Variants in CD38 observed in about 807,000 individuals in gnomAD.
CD38 encodes CD38 molecule.
A neutral mutation model predicts 36.3 loss-of-function variants in CD38; 31 were observed. The ratio of observed to expected loss-of-function variants is 0.85; its 90% confidence interval spans 0.64 to 1.15. The LOEUF is 1.15. Among genes scored for constraint, CD38 ranks in the 50% most tolerant of loss-of-function variants. The pLI, the probability that CD38 is intolerant of heterozygous loss-of-function variation, is 0.00. For missense variants in CD38, 380 were observed against 371.9 expected (o/e 1.02, Z -0.18); for synonymous variants, 131 against 135.2 (o/e 0.97, Z 0.22).
intron 1 of CD38, among the ~76,000 whole-genome samples, chr4:15,781,985 C>A (rs1288684976): frequency 6.6e-6 from 1 of 152,206 alleles, no homozygotes; most frequent in Non-Finnish European, 1.5e-5. Context: ...GTGTAGGCAT[C>A]TGCAACATTG....
intron 1 of CD38, among the ~76,000 whole-genome samples, chr4:15,808,994 G>A (rs965875505): frequency 6.6e-6 from 1 of 152,198 alleles, no homozygotes; most frequent in Admixed American, 6.5e-5. Flanking sequence ...GCAAATTCTG[G>A]CTGGGATATT....
At chr4:15,840,672 C>T in intron 7 of CD38, 134 bp downstream of exon 7, 1 of 605,466 alleles carries the variant, frequency 1.7e-6, no homozygotes, top group Non-Finnish European at 2.9e-6. Context: ...CAGATGGCAA[C>T]CTCTGGTGAT....
At chr4:15,812,243 T>G (rs1457323386) in intron 1 of CD38, among the ~76,000 whole-genome samples, 1 of 152,196 alleles carries the variant, frequency 6.6e-6, no homozygotes, top group African/African-American at 2.4e-5. Context: ...TCTTTCAACT[T>G]TGGTCTTCTT....
chr4:15,800,302 C>G (rs1186815870), intron 1 of CD38, among the ~76,000 whole-genome samples: 1 of 151,992 alleles, frequency 6.6e-6, no homozygotes, highest in Non-Finnish European at 1.5e-5. Flanking sequence ...TGTTTTATTT[C>G]TCTTGAGTGA....
chr4:15,780,830 C>T (rs1722680805), intron 1 of CD38, among the ~76,000 whole-genome samples: 1 of 152,184 alleles, frequency 6.6e-6, no homozygotes, highest in Non-Finnish European at 1.5e-5. Context: ...TGAGTTGGGC[C>T]AGGCACTGTG....
rs1722605042 is a variant in CD38, at chr4:15,778,485, T to A, written c.71T>A (p.Leu24His). The A allele has an allele frequency of 1.2e-6, 2 of 1,613,584 alleles. No homozygotes were observed. The highest frequency in any genetic ancestry group is 8.5e-7 in the Non-Finnish European group (1 of 1,179,956). Reference sequence around the variant, plus strand: ...TGCCGGCTCTCTAGGAGAGCCCAACTCTGTCTTGGCGTCAGTATCCTGGTC... The same window carrying A: ...TGCCGGCTCTCTAGGAGAGCCCAACACTGTCTTGGCGTCAGTATCCTGGTC... The part of the protein sequence containing the change: ...PCCRLSRRAQ[L>H]CLGVSILVLI... Residue 24 changes from leucine (L) to histidine (H), a missense_variant, in exon 1 of 8, where the codon CTC (leucine) becomes CAC (histidine). Transcript: ENST00000226279. This position sits in a 1 kb window ranked among gnomAD's most constrained non-coding sequence, Gnocchi z 4.9.
intron 1 of CD38, among the ~76,000 whole-genome samples, chr4:15,807,481 G>T (rs1204040101): frequency 6.6e-6 from 1 of 152,188 alleles, no homozygotes; most frequent in African/African-American, 2.4e-5. Flanking sequence ...GTGTCCCATG[G>T]AGTTGATTAT....
chr4:15,817,925 C>T (rs898390674), intron 2 of CD38, among the ~76,000 whole-genome samples: 1 of 152,104 alleles, frequency 6.6e-6, no homozygotes, highest in Non-Finnish European at 1.5e-5. Flanking sequence ...AAAACCGAGC[C>T]GCTGTTTGGG....
At chr4:15,839,046 C>A (rs1724139570) in intron 5 of CD38, among the ~76,000 whole-genome samples, 1 of 152,150 alleles carries the variant, frequency 6.6e-6, no homozygotes, top group Admixed American at 6.5e-5. Context: ...ATAAGGCTGA[C>A]TGAAAGGAGG....
chr4:15,851,894 CGT>C lies in CD38; in HGVS notation c.*3297_*3298del, dbSNP rs1309803540. ...CCTCCTAGGCTACAAGCCTGTACAGCGTGTGTCTGTACTAAATGCTGTGGGCA... is the reference window on the plus strand; with the variant it reads ...CCTCCTAGGCTACAAGCCTGTACAGCGTGTCTGTACTAAATGCTGTGGGCA... On this transcript the variant is annotated 3_prime_UTR_variant, in exon 8 of 8. Coordinates refer to ENST00000226279, the MANE Select transcript of CD38 (RefSeq NM_001775.4). 1 of 152,172 alleles carries C rather than the reference CGT, an allele frequency of 6.6e-6. No homozygotes were observed. The highest frequency in any genetic ancestry group is 6.5e-5 in the Admixed American group (1 of 15,282). The allele number at this position is 152,172 out of a possible 1,614,324, so 9.4% of individuals were successfully genotyped here. A position where few individuals can be genotyped will look rare whatever the true frequency, so the allele number is the denominator to read the frequency against.
chr4:15,782,637 T>C (rs1007605399), intron 1 of CD38, among the ~76,000 whole-genome samples: 1 of 152,224 alleles, frequency 6.6e-6, no homozygotes, highest in Non-Finnish European at 1.5e-5. Context: ...GTAATAAATA[T>C]ACTTCCCCAG....
intron 4 of CD38, among the ~76,000 whole-genome samples, chr4:15,836,819 A>G (rs1724077191): frequency 6.6e-6 from 1 of 152,206 alleles, no homozygotes; most frequent in Non-Finnish European, 1.5e-5. Context: ...ACAGCCTGGA[A>G]GTTGACATAA....
At chr4:15,817,792 AG>A (rs1303828735) in intron 2 of CD38, among the ~76,000 whole-genome samples, 1 of 152,138 alleles carries the variant, frequency 6.6e-6, no homozygotes, top group Admixed American at 6.5e-5. Context: ...ATGGCTGAAT[AG>A]GAACAGCTCC....
chr4:15,786,088 T>C (rs6449187), intron 1 of CD38, among the ~76,000 whole-genome samples: 65,109 of 152,074 alleles, frequency 0.43, 16,055 homozygotes, highest in African/African-American at 0.69. Flanking sequence ...CAGACTTTCG[T>C]GGTGAGTGTT....
intron 1 of CD38, among the ~76,000 whole-genome samples, chr4:15,812,633 G>T (rs1723497169): frequency 6.6e-6 from 1 of 152,244 alleles, no homozygotes; most frequent in Non-Finnish European, 1.5e-5. Flanking sequence ...CCTGGAGGCA[G>T]AGGTTGCAGT....
At chr4:15,799,060 C>A (rs927618751) in intron 1 of CD38, among the ~76,000 whole-genome samples, 1 of 152,078 alleles carries the variant, frequency 6.6e-6, no homozygotes, top group African/African-American at 2.4e-5. Flanking sequence ...AGGGTTGTGC[C>A]TTTTGTATCT....
chr4:15,815,037 C>T (rs1723560570), intron 1 of CD38, among the ~76,000 whole-genome samples: 1 of 152,126 alleles, frequency 6.6e-6, no homozygotes, highest in South Asian at 2.1e-4. Context: ...GAACTTATCA[C>T]CTCATGATCT....
chr4:15,835,198 AGCCTATGGTG>A (rs1724040681), intron 4 of CD38, among the ~76,000 whole-genome samples: 1 of 151,798 alleles, frequency 6.6e-6, no homozygotes, highest in African/African-American at 2.4e-5. Context: ...TACTTTTCTA[AGCCTATGGTG>A]GCCTCTGTTC....
At chr4:15,834,055 G>T (rs1001510545) in intron 3 of CD38, among the ~76,000 whole-genome samples, 162 bp from the exon 4 acceptor site, 7 of 152,184 alleles carry the variant, frequency 4.6e-5, no homozygotes, top group African/African-American at 1.7e-4. Flanking sequence ...GAATTCAGGG[G>T]ACACTTAGTT....
Sources: gnomAD v4.1 joint callset for allele counts (sites outside exome capture counted in the v4.1 genomes callset) on GRCh38, gnomAD v4.1.1 for gene constraint, Gnocchi (gnomAD v3.1) non-coding constraint, MANE v1.5 for transcripts, NCBI Gene and HGNC (gene_info 2026-07-23, HGNC 2026-07-21) for gene names.